Variants in JMJD1C observed in about 807,000 individuals in gnomAD.
JMJD1C encodes the protein jumonji domain containing 1C.
Under a neutral mutation model 245.3 loss-of-function variants are expected in JMJD1C, and 31 were observed. That is an observed-to-expected ratio of 0.13 (90% CI 0.09 to 0.17). The LOEUF (loss-of-function observed/expected upper bound fraction) is 0.17, where lower values mean the gene tolerates loss of function less well. JMJD1C is among the 10% of genes least tolerant of loss of function. JMJD1C has a pLI of 1.00. For synonymous variants in JMJD1C, 1,057 were observed against 1,017.4 expected, an observed-to-expected ratio of 1.04 and a Z score of -0.74; for missense variants, 2,691 against 3,000.2, an observed-to-expected ratio of 0.90 and a Z score of 2.41.
At chr10:63,363,252 CTTTTTTTTT>C (rs71463517) in intron 2 of JMJD1C, among the ~76,000 whole-genome samples, 112 of 99,844 alleles carry the variant, frequency 1.1e-3, no homozygotes, top group Non-Finnish European at 1.8e-3. Context: ...TCATACAATT[CTTTTTTTTT>C]TTTTTTTTTT....
chr10:63,516,843 T>C (rs1305253844), intron 1 of JMJD1C, among the ~76,000 whole-genome samples: 2 of 152,228 alleles, frequency 1.3e-5, no homozygotes, highest in East Asian at 1.9e-4. Flanking sequence ...ATTCTATTGC[T>C]ATCTGATCAT....
intron 24 of JMJD1C, among the ~76,000 whole-genome samples, chr10:63,172,092 A>G (rs1842423223): frequency 6.6e-6 from 1 of 152,228 alleles, no homozygotes; most frequent in African/African-American, 2.4e-5. Flanking sequence ...GTGCCAAAAT[A>G]TGTAGCAAAG....
At chr10:63,264,854 T>G in intron 2 of JMJD1C, 90 bp from the exon 3 acceptor site, 1 of 657,646 alleles carries the variant, frequency 1.5e-6, no homozygotes, top group East Asian at 2.8e-5. Flanking sequence ...TGTATCAATG[T>G]CATTATCACT....
intron 5 of JMJD1C, among the ~76,000 whole-genome samples, chr10:63,216,656 G>A (rs1171533728): frequency 6.6e-6 from 1 of 152,162 alleles, no homozygotes; most frequent in East Asian, 1.9e-4. Flanking sequence ...CTTACAGTGA[G>A]CCGAGATCAT....
intron 1 of JMJD1C, among the ~76,000 whole-genome samples, chr10:63,425,918 AG>A (rs1297070874): frequency 6.6e-6 from 1 of 152,258 alleles, no homozygotes; most frequent in African/African-American, 2.4e-5. Context: ...CCAAGGACAC[AG>A]CCCTACTGAA....
chr10:63,313,339 C>A (rs1939493067), intron 2 of JMJD1C, among the ~76,000 whole-genome samples: 1 of 152,068 alleles, frequency 6.6e-6, no homozygotes, highest in African/African-American at 2.4e-5. Flanking sequence ...TTATCCACTC[C>A]TTGATTGATG....
intron 2 of JMJD1C, among the ~76,000 whole-genome samples, chr10:63,378,908 T>C (rs1279176367): frequency 6.6e-6 from 1 of 152,138 alleles, no homozygotes; most frequent in Admixed American, 6.5e-5. Flanking sequence ...TTATCTTCTT[T>C]AGTTTGCTAT....
intron 24 of JMJD1C, among the ~76,000 whole-genome samples, chr10:63,171,616 G>A (rs1202819343): frequency 6.6e-6 from 1 of 152,166 alleles, no homozygotes; most frequent in Non-Finnish European, 1.5e-5. Flanking sequence ...TTTCCAAAGT[G>A]TGGTCCCTGA....
chr10:63,336,076 G>A (rs562824930), intron 2 of JMJD1C, among the ~76,000 whole-genome samples: 2 of 151,976 alleles, frequency 1.3e-5, no homozygotes, highest in Non-Finnish European at 2.9e-5. Flanking sequence ...AGCGGAGATC[G>A]CACCACTGCA....
intron 23 of JMJD1C, 44 bp downstream of exon 23, chr10:63,177,673 C>T (rs748876527): frequency 1.4e-5 from 22 of 1,601,678 alleles, no homozygotes; most frequent in Non-Finnish European, 2.6e-6. Context: ...ATGAATAAGT[C>T]CTTGCTTGAG....
chr10:63,219,103 G>A (rs1848316174), intron 4 of JMJD1C, among the ~76,000 whole-genome samples: 1 of 152,074 alleles, frequency 6.6e-6, no homozygotes, highest in African/African-American at 2.4e-5. Flanking sequence ...GTTTTTGTAT[G>A]TGTTTGAAAT....
intron 2 of JMJD1C, among the ~76,000 whole-genome samples, chr10:63,273,804 A>G (rs1219041535): frequency 1.3e-5 from 2 of 152,188 alleles, no homozygotes; most frequent in African/African-American, 4.8e-5. Context: ...ATGTATCAAC[A>G]CAGGTCAGAA....
chr10:63,479,265 T>C (rs1953756038), intron 1 of JMJD1C, among the ~76,000 whole-genome samples: 1 of 150,646 alleles, frequency 6.6e-6, no homozygotes, highest in Non-Finnish European at 1.5e-5. Flanking sequence ...CAATCTTATT[T>C]CTTCTCTTTT....
chr10:63,253,041 A>G (rs962120835), intron 3 of JMJD1C, among the ~76,000 whole-genome samples: 1 of 152,252 alleles, frequency 6.6e-6, no homozygotes, highest in Non-Finnish European at 1.5e-5. Flanking sequence ...GTTATACTCA[A>G]GACATTGATC....
chr10:63,244,446 C>A (rs1453417860), intron 3 of JMJD1C, among the ~76,000 whole-genome samples: 1 of 152,052 alleles, frequency 6.6e-6, no homozygotes, highest in African/African-American at 2.4e-5. Flanking sequence ...CTAATTAAAG[C>A]CAAAACACGC....
intron 1 of JMJD1C, among the ~76,000 whole-genome samples, chr10:63,492,798 C>T (rs1374636799): frequency 2.0e-5 from 3 of 151,904 alleles, no homozygotes; most frequent in African/African-American, 7.3e-5. Flanking sequence ...TTTAATATGC[C>T]AATCTCAAAG....
chr10:63,368,917 G>C (rs1177001073), intron 2 of JMJD1C, among the ~76,000 whole-genome samples: 2 of 151,644 alleles, frequency 1.3e-5, no homozygotes, highest in Admixed American at 6.6e-5. Context: ...CAAAGTGCTG[G>C]GATTATAGGC....
chr10:63,435,680 G>T (rs1436572246), intron 1 of JMJD1C, among the ~76,000 whole-genome samples: 1 of 152,110 alleles, frequency 6.6e-6, no homozygotes, highest in Non-Finnish European at 1.5e-5. Flanking sequence ...CGCGTGGACT[G>T]GCTGAGGTCA....
At chr10:63,486,434 A>C (rs1257992831) in intron 1 of JMJD1C, among the ~76,000 whole-genome samples, 1 of 152,200 alleles carries the variant, frequency 6.6e-6, no homozygotes, top group Non-Finnish European at 1.5e-5. Context: ...TAAGCAAGGA[A>C]GCAAAGGAAT....
Sources: gnomAD v4.1 joint callset for allele counts (sites outside exome capture counted in the v4.1 genomes callset) on GRCh38, gnomAD v4.1.1 for gene constraint, MANE v1.5 for transcripts, NCBI Gene and HGNC (gene_info 2026-07-23, HGNC 2026-07-21) for gene names.